Variants in RENBP observed in about 807,000 individuals in gnomAD.
RENBP encodes renin binding protein, also known as N-acylglucosamine 2-epimerase.
A neutral mutation model predicts 37.8 loss-of-function variants in RENBP; 16 were observed. That is an observed-to-expected ratio of 0.42 (90% CI 0.29 to 0.64). The LOEUF (loss-of-function observed/expected upper bound fraction) is 0.64, where lower values mean the gene tolerates loss of function less well. RENBP is among the 30% of genes least tolerant of loss of function. RENBP has a pLI of 0.19. For synonymous variants in RENBP, 170 were observed against 154.8 expected, an observed-to-expected ratio of 1.10 and a Z score of -0.73; for missense variants, 347 against 379.5, an observed-to-expected ratio of 0.91 and a Z score of 0.71.
intron 8 of RENBP, 145 bp from the exon 9 acceptor site, chrX:153,940,378 T>G: frequency 1.5e-6 from 1 of 673,495 alleles, no homozygotes; most frequent in Non-Finnish European, 2.3e-6. Context: ...CCCAGTGATA[T>G]CAGCTTCCTG....
At chrX:153,941,167 G>T (rs1442162690) in intron 8 of RENBP, among the ~76,000 whole-genome samples, 10 of 89,508 alleles carry the variant, frequency 1.1e-4, no homozygotes, top group Non-Finnish European at 2.2e-4. Flanking sequence ...AAAAAAAAAA[G>T]GCAACCAGCA....
In RENBP at chrX:153,941,477, C is replaced by T; in HGVS notation, c.945+1G>A. 1.7e-6 allele frequency: 2 copies of T among 1,210,497 alleles called. No individual in the cohort carries two copies. The highest frequency in any genetic ancestry group is 2.2e-6 in the Non-Finnish European group (2 of 894,934). ...ACACATGGCCCTGGGCGCTCTCCCA[C>T]CTGGGTGGGGCAGAAGTTATCAGCA... On this transcript the variant is annotated splice_donor_variant, in intron 8 of 10. Transcript: ENST00000393700. LOFTEE classifies it high-confidence loss of function.
At chrX:153,939,503 C>T (rs1737557801) in intron 9 of RENBP, among the ~76,000 whole-genome samples, 1 of 112,229 alleles carries the variant, frequency 8.9e-6, no homozygotes, top group South Asian at 3.7e-4. Context: ...TCTGTCCCCA[C>T]CAGCTCCCAC....
intron 5 of RENBP, 148 bp from the exon 6 acceptor site, chrX:153,943,227 C>T (rs1036512000): frequency 1.5e-4 from 73 of 483,543 alleles, no homozygotes; most frequent in South Asian, 1.7e-4. Flanking sequence ...TGGCACCCAG[C>T]GTCCAGTAGG....
In RENBP at chrX:153,943,921, G is replaced by A; in HGVS notation, c.263C>T (p.Ala88Val). Residue 88 changes from alanine to valine, a missense_variant, in exon 4 of 11, where the codon GCT (alanine) becomes GTT (valine). Ala to Val is a moderately conservative substitution (Grantham distance 64). Coordinates refer to ENST00000393700, the MANE Select transcript of RENBP (RefSeq NM_002910.6). ...TGCTTTTGCTGCGTCCAGAAGCTGA[G>A]CATGGCGGAAGCGCTCGAAAGTGCG... ...LYRTFERFRHAQLLDAAKAGG... is the reference protein window; with the variant it reads ...LYRTFERFRHVQLLDAAKAGG... 2.5e-6 allele frequency: 3 copies of A among 1,184,068 alleles called. No homozygotes were observed. The highest frequency in any genetic ancestry group is 3.4e-6 in the Non-Finnish European group (3 of 881,232).
intron 9 of RENBP, 39 bp downstream of exon 9, chrX:153,940,063 C>G (rs1210007182): frequency 5.2e-5 from 62 of 1,201,260 alleles, no homozygotes; most frequent in Non-Finnish European, 6.7e-5. Context: ...CCCCATTCCC[C>G]CATTCAGCCT....
At chrX:153,942,067 G>A in intron 6 of RENBP, 36 bp from the exon 7 acceptor site, 1 of 1,086,656 alleles carries the variant, frequency 9.2e-7, no homozygotes, top group Non-Finnish European at 1.3e-6. Context: ...GTTGCCTCCA[G>A]CCCTTTCACC....
At chrX:153,942,237 T>TG (rs1178874386) in intron 6 of RENBP, 5 of 261,083 alleles carry the variant, frequency 1.9e-5, no homozygotes, top group East Asian at 1.1e-4. Flanking sequence ...GTTGTTTTTT[T>TG]TTTTTTTTTT....
rs191364350 is a variant in RENBP at position 153,944,366 on chromosome X, T to A, written c.80A>T (p.Gln27Leu). 1.7e-6 allele frequency: 2 copies of A among 1,210,091 alleles called. No individual in the cohort carries two copies. The highest frequency in any genetic ancestry group is 5.9e-5 in the East Asian group (2 of 33,753). ...TLQAWKERVG[Q>L]ELDRVVAFWM... The stretch of plus-strand genomic sequence containing the variant: ...GAAAGCCACCACGCGGTCCAGCTCC[T>A]GCCCCACGCGCTCCTTCCAGGCCTG... Residue 27 changes from glutamine to leucine, a missense_variant, in exon 2 of 11, where the codon CAG becomes CTG. This residue lies in a region of RENBP where 244 missense variants were observed against 279.4 expected (regional missense o/e 0.87). Coordinates refer to ENST00000393700, the MANE Select transcript of RENBP (RefSeq NM_002910.6).
At position 153,943,604 on chromosome X, in the gene RENBP, C is replaced by T; in HGVS notation, c.404G>A (p.Cys135Tyr). Reference sequence around the variant, plus strand: ...CTCGTTCATGGCCATGGTGTAGAAACACTCACTGAAGATGGTTCGCTGCAC... The same window carrying T: ...CTCGTTCATGGCCATGGTGTAGAAATACTCACTGAAGATGGTTCGCTGCAC... ...VKVQRTIFSE[C>Y]FYTMAMNELW... is the part of the protein sequence containing the mutation. Residue 135 changes from cysteine (C) to tyrosine (Y), a missense_variant, in exon 5 of 11, where the codon TGT becomes TAT. Coordinates refer to ENST00000393700, the MANE Select transcript of RENBP (RefSeq NM_002910.6). 8.3e-7 allele frequency: 1 copy of T among 1,211,647 alleles called. No individual in the cohort carries two copies. Among genetic ancestry groups the T allele is most frequent in the Middle Eastern group, 2.3e-4 (1 of 4,352 alleles).
chrX:153,941,327 G>A (rs997198641), intron 8 of RENBP, 151 bp downstream of exon 8: 9 of 541,598 alleles, frequency 1.7e-5, no homozygotes, highest in Middle Eastern at 1.2e-3. Flanking sequence ...TCTGGATCAC[G>A]ACCCCTTTCC....
At chrX:153,938,207 G>A (rs1302635883) in intron 9 of RENBP, among the ~76,000 whole-genome samples, 1 of 112,443 alleles carries the variant, frequency 8.9e-6, no homozygotes, top group East Asian at 2.8e-4. Flanking sequence ...TTTGGAAGTA[G>A]TGACGAATAT....
chrX:153,938,882 C>A (rs1557109025), intron 9 of RENBP, among the ~76,000 whole-genome samples: 2 of 102,095 alleles, frequency 2.0e-5, no homozygotes, highest in Admixed American at 1.1e-4. Flanking sequence ...CAACCTCTGC[C>A]TCCTGGGTTC....
At chrX:153,944,451 C>A (rs782553206) in intron 1 of RENBP, 33 bp from the exon 2 acceptor site, 82 of 1,176,745 alleles carry the variant, frequency 7.0e-5, no homozygotes, top group Non-Finnish European at 6.7e-5. Context: ...GCGCAGCCCC[C>A]ACATGGGACC....
At chrX:153,942,753 C>T (rs1385984986) in intron 6 of RENBP, 102 bp downstream of exon 6, 5 of 690,239 alleles carry the variant, frequency 7.2e-6, no homozygotes, top group Admixed American at 2.4e-5. Flanking sequence ...GTGGGGACAT[C>T]CCCGAATCTC....
In RENBP at chrX:153,943,594, G is replaced by A. The variant is rs1177520850; in HGVS notation, c.414C>T (p.Thr138=). ...QRTIFSECFY[T]MAMNELWRAT... ...CTCTCCACAGCTCGTTCATGGCCAT[G>A]GTGTAGAAACACTCACTGAAGATGG... is the stretch of plus-strand genomic sequence containing the variant. The change falls in exon 5 of 11, where the codon ACC becomes ACT. Residue 138 remains threonine, a synonymous_variant. Transcript: ENST00000393700. The A allele has an allele frequency of 4.1e-6, 5 of 1,209,994 alleles. No homozygotes were observed. The highest frequency in any genetic ancestry group is 4.5e-6 in the Non-Finnish European group (4 of 895,027).
At position 153,941,950 on chromosome X, in the gene RENBP, C is replaced by CCCCGG; in HGVS notation, c.768_769insCCGGG (p.Gly257ProfsTer28). On this transcript the variant is annotated frameshift_variant and splice_region_variant, in exon 7 of 11. Transcript: ENST00000393700. LOFTEE classifies it high-confidence loss of function. ...GCCCCCAGCCCACCCCGCCCCTCAC[C>CCCCGG]TGGGTTCTGCTGTCTCCCCAGGCAG... The CCCCGG allele has an allele frequency of 1.8e-6, 2 of 1,130,608 alleles. No homozygotes were observed. The highest frequency in any genetic ancestry group is 1.8e-5 in the African/African-American group (1 of 55,815). The allele number at this position is 1,130,608 out of a possible 1,213,427, so 93.2% of individuals were successfully genotyped here.
At chrX:153,936,623 G>T (rs1188577232) in intron 9 of RENBP, among the ~76,000 whole-genome samples, 2 of 110,877 alleles carry the variant, frequency 1.8e-5, no homozygotes, top group Non-Finnish European at 3.8e-5. Flanking sequence ...GGCTTCACAG[G>T]CCTGTCTTCC....
At position 153,943,898 on chromosome X, in the gene RENBP, C is replaced by A. The variant is rs782242143; in HGVS notation, c.286G>T (p.Ala96Ser). 93 of 1,177,628 alleles carry A rather than the reference C, an allele frequency of 7.9e-5. No homozygotes were observed. The Admixed American group carries it at 1.3e-3, about 16-fold the overall frequency. ...RHAQLLDAAK[A>S]GGEFLLRYAR... ...TGGGCAGGAAGGGGGCACCTACCTG[C>A]TTTTGCTGCGTCCAGAAGCTGAGCA... is the stretch of plus-strand genomic sequence containing the variant. Residue 96 changes from alanine to serine, a missense_variant, in exon 4 of 11, where the codon GCA becomes TCA. Ala to Ser is a moderately conservative substitution (Grantham distance 99, BLOSUM62 1). Coordinates refer to ENST00000393700, the MANE Select transcript of RENBP (RefSeq NM_002910.6).
Sources: allele counts gnomAD v4.1 joint callset (sites outside exome capture counted in the v4.1 genomes callset), GRCh38; gene constraint gnomAD v4.1.1; regional missense constraint gnomAD v4.1.1; transcripts MANE v1.5; gene names NCBI Gene and HGNC (gene_info 2026-07-23, HGNC 2026-07-21).